LGI3: variants seen among roughly 807,000 people sequenced by gnomAD.
The protein encoded by LGI3 is leucine-rich repeat LGI family member 3.
A neutral mutation model predicts 55.4 loss-of-function variants in LGI3; 47 were observed. The observed-to-expected ratio is 0.85, with a 90% CI of 0.67 to 1.08. The LOEUF is 1.08. Ranked by LOEUF, LGI3 falls within the 50% of genes least tolerant of loss-of-function variation. The probability of loss-of-function intolerance (pLI) is 0.00; values close to 1 mark genes in which losing one functional copy is unlikely to be tolerated. For synonymous variants in LGI3, 326 were observed against 315.0 expected, an observed-to-expected ratio of 1.04 and a Z score of -0.37; for missense variants, 664 against 726.3, an observed-to-expected ratio of 0.91 and a Z score of 0.99.
intron 1 of LGI3, 104 bp downstream of exon 1, chr8:22,156,233 C>T: frequency 6.3e-6 from 8 of 1,266,184 alleles, no homozygotes; most frequent in Non-Finnish European, 8.9e-6. Context: ...CCCCCTGGTC[C>T]CCGCACTCTG....
intron 7 of LGI3, 63 bp downstream of exon 7, chr8:22,151,426 C>A: frequency 2.0e-6 from 3 of 1,509,524 alleles, no homozygotes; most frequent in Non-Finnish European, 2.7e-6. Flanking sequence ...TGGGGTTGAA[C>A]GATGGAGCCC....
chr8:22,154,264 C>T (rs553502395), intron 3 of LGI3, 51 bp from the exon 4 acceptor site: 2 of 1,446,776 alleles, frequency 1.4e-6, no homozygotes, highest in East Asian at 4.5e-5. Context: ...GCCAGACCCC[C>T]AGCAGCACTC....
chr8:22,155,471 GA>G lies in LGI3; in HGVS notation c.207-9del. ...GCGGCATTCACCAGGGTCCTGCGGG[GA>G]CACCCGAGTCAGTACTGTGGGGTCT... On this transcript the variant is annotated splice_polypyrimidine_tract_variant and intron_variant, in intron 1 of 7. Coordinates refer to ENST00000306317, the MANE Select transcript of LGI3 (RefSeq NM_139278.4). The G allele has an allele frequency of 6.2e-7, 1 of 1,613,088 alleles. No individual in the cohort carries two copies. Among genetic ancestry groups the G allele is most frequent in the South Asian group, 1.1e-5 (1 of 91,072 alleles).
At chr8:22,156,050 C>T (rs182750705) in intron 1 of LGI3, among the ~76,000 whole-genome samples, 286 of 152,342 alleles carry the variant, frequency 1.9e-3, no homozygotes, top group African/African-American at 6.4e-3. Flanking sequence ...TAAGCAACCC[C>T]CCCAAGTCTG....
chr8:22,154,173 T>C lies in LGI3; in HGVS notation c.391A>G (p.Thr131Ala), dbSNP rs778381590. 17 of 1,613,972 alleles carry C rather than the reference T, an allele frequency of 1.1e-5. No individual in the cohort carries two copies. The highest frequency in any genetic ancestry group is 1.2e-5 in the Non-Finnish European group (14 of 1,179,992). Residue 131 changes from threonine to alanine, a missense_variant, in exon 4 of 8, where the codon ACC becomes GCC. Transcript: ENST00000306317. The stretch of plus-strand genomic sequence containing the variant: ...GTCAAGGACTTGAGTCCTCGGAAGG[T>C]GAACTTGGATAGTGCCCAGATGTCA... ...NNDIWALSKF[T>A]FRGLKSLTHL... is the part of the protein sequence containing the mutation.
chr8:22,148,339 T>G lies in LGI3; in HGVS notation c.1468A>C (p.Thr490Pro). Residue 490 changes from threonine to proline, a missense_variant, in exon 8 of 8, where the codon ACC becomes CCC. Physicochemically the swap from Thr to Pro is conservative, Grantham distance 38. Transcript: ENST00000306317. The surrounding 1 kb of genome is among the most constrained non-coding windows in gnomAD (Gnocchi z 7.0). The part of the protein sequence containing the change: ...YLALGSDFSF[T>P]QIYQWDEGRQ... ...CCCTCATCCCACTGGTAGATCTGGG[T>G]GAAGGAGAAATCACTGCCCAGTGCC... is the stretch of plus-strand genomic sequence containing the variant. 1 of 1,613,406 alleles carries G rather than the reference T, an allele frequency of 6.2e-7. No homozygotes were observed. Among genetic ancestry groups the G allele is most frequent in the Non-Finnish European group, 8.5e-7 (1 of 1,179,818 alleles).
rs1050199719 is a variant in LGI3 at position 22,148,816 on chromosome 8, C to T, written c.991G>A (p.Asp331Asn). The change falls in exon 8 of 8, where the codon GAC becomes AAC. Residue 331 changes from aspartate (D) to asparagine (N), a missense_variant. Physicochemically the swap from Asp to Asn is conservative, Grantham distance 23 (BLOSUM62 1). Coordinates refer to ENST00000306317, the MANE Select transcript of LGI3 (RefSeq NM_139278.4). The surrounding 1 kb of genome is among the most constrained non-coding windows in gnomAD (Gnocchi z 7.0). ...IDPQRVRKPN[D>N]LEAFRIDGDW... Reference sequence around the variant, plus strand: ...CCGTCGATGCGGAAGGCTTCTAGGTCGTTAGGCTTGCGCACGCGCTGCGGG... The same window carrying T: ...CCGTCGATGCGGAAGGCTTCTAGGTTGTTAGGCTTGCGCACGCGCTGCGGG... 34 of 1,614,058 alleles carry T rather than the reference C, an allele frequency of 2.1e-5. No homozygotes were observed. Among genetic ancestry groups the T allele is most frequent in the Non-Finnish European group, 2.4e-5 (28 of 1,180,034 alleles).
intron 5 of LGI3, among the ~76,000 whole-genome samples, chr8:22,153,558 C>T (rs192764873): frequency 1.4e-4 from 22 of 151,856 alleles, no homozygotes; most frequent in Admixed American, 3.3e-4. Context: ...AAAAATTAGC[C>T]GGGCGTGGTG....
At chr8:22,151,759 G>A in intron 6 of LGI3, 72 bp downstream of exon 6, 2 of 1,560,876 alleles carry the variant, frequency 1.3e-6, no homozygotes, top group South Asian at 1.2e-5. Context: ...GGGGCAGGGT[G>A]GGGGGTTTCG....
chr8:22,156,711 T>G lies in LGI3; in HGVS notation c.-169A>C. On this transcript the variant is annotated 5_prime_UTR_variant, in exon 1 of 8. Coordinates refer to ENST00000306317, the MANE Select transcript of LGI3 (RefSeq NM_139278.4). Reference sequence around the variant, plus strand: ...CCCTCGGGCGCCGGCTGCGGTCCCCTCCCCTGCTCGCTCCCGCGATCCGGC... The same window carrying G: ...CCCTCGGGCGCCGGCTGCGGTCCCCGCCCCTGCTCGCTCCCGCGATCCGGC... 4.4e-6 allele frequency: 1 copy of G among 225,312 alleles called. No homozygotes were observed. Among genetic ancestry groups the G allele is most frequent in the Middle Eastern group, 1.5e-3 (1 of 676 alleles). The allele number at this position is 225,312 out of a possible 1,614,324, so 14.0% of individuals were successfully genotyped here.
At position 22,147,921 on chromosome 8, in the gene LGI3, T is replaced by G; in HGVS notation, c.*239A>C. On this transcript the variant is annotated 3_prime_UTR_variant, in exon 8 of 8. Coordinates refer to ENST00000306317, the MANE Select transcript of LGI3 (RefSeq NM_139278.4). ...GAGTAGGGGGGGCCTGCAGTTGGGG[T>G]CACGGGAACTGGGCGTTAGGTGTCC... The G allele has an allele frequency of 2.0e-6, 1 of 493,464 alleles. No individual in the cohort carries two copies. The highest frequency in any genetic ancestry group is 2.9e-5 in the South Asian group (1 of 34,650). The allele number at this position is 493,464 out of a possible 1,614,324, so 30.6% of individuals were successfully genotyped here. A position where few individuals can be genotyped will look rare whatever the true frequency, so the allele number is the denominator to read the frequency against.
At chr8:22,150,327 A>G (rs1827360902) in intron 7 of LGI3, among the ~76,000 whole-genome samples, 1 of 134,102 alleles carries the variant, frequency 7.5e-6, no homozygotes, top group Non-Finnish European at 1.6e-5. Context: ...TTTCTATTTC[A>G]TCTTGTGTCA....
At chr8:22,151,253 G>T (rs756122288) in intron 7 of LGI3, among the ~76,000 whole-genome samples, 5 of 152,126 alleles carry the variant, frequency 3.3e-5, no homozygotes, top group Non-Finnish European at 7.3e-5. Flanking sequence ...CCCAGGGTAG[G>T]CTTGTCCTTT....
Position 22,147,211 on chromosome 8 carries a change from C to G in LGI3, c.*949G>C, listed in dbSNP as rs1427715720. On this transcript the variant is annotated 3_prime_UTR_variant, in exon 8 of 8. Coordinates refer to ENST00000306317, the MANE Select transcript of LGI3 (RefSeq NM_139278.4). ...GGCCACATCCCAAAGACAGGGTGAA[C>G]CAGGGGACAGTCCAAGCCTGAGAAA... 1 of 152,398 alleles carries G rather than the reference C, an allele frequency of 6.6e-6. No homozygotes were observed. The highest frequency in any genetic ancestry group is 1.5e-5 in the Non-Finnish European group (1 of 68,198). 9.4% of individuals were successfully genotyped at this position (152,398 alleles called of 1,614,324 possible).
At chr8:22,152,341 G>A (rs948697668) in intron 5 of LGI3, among the ~76,000 whole-genome samples, 3 of 152,178 alleles carry the variant, frequency 2.0e-5, no homozygotes, top group South Asian at 2.1e-4. Context: ...AACAATAAAT[G>A]AGTGTGGCTC....
chr8:22,148,443 C>T lies in LGI3; in HGVS notation c.1364G>A (p.Arg455His), dbSNP rs115515473. The T allele has an allele frequency of 1.1e-5, 18 of 1,612,172 alleles. No homozygotes were observed. The highest frequency in any genetic ancestry group is 5.0e-5 in the Admixed American group (3 of 59,986). The change falls in exon 8 of 8, where the codon CGC (arginine) becomes CAC (histidine). Residue 455 changes from arginine (R) to histidine (H), a missense_variant. Physicochemically the swap from Arg to His is conservative, Grantham distance 29. Transcript: ENST00000306317. The surrounding 1 kb of genome is among the most constrained non-coding windows in gnomAD (Gnocchi z 7.0). ...DSKILRWEGT[R>H]FSEVQALPSR... ...GGGCAGGGCCTGCACCTCCGAGAAG[C>T]GGGTACCCTCCCAGCGCAGGATCTT... is the stretch of plus-strand genomic sequence containing the variant.
At position 22,148,475 on chromosome 8, in the gene LGI3, G is replaced by A. The variant is rs375373562; in HGVS notation, c.1332C>T (p.Gly444=). The A allele has an allele frequency of 1.4e-5, 22 of 1,612,532 alleles. No individual in the cohort carries two copies. The African/African-American group carries it at 1.6e-4, about 12-fold the overall frequency. The change falls in exon 8 of 8, where the codon GGC becomes GGT. Residue 444 remains glycine, a synonymous_variant. Coordinates refer to ENST00000306317, the MANE Select transcript of LGI3 (RefSeq NM_139278.4). The surrounding 1 kb of genome is among the most constrained non-coding windows in gnomAD (Gnocchi z 7.0). ...CCTCCCAGCGCAGGATCTTGGAGTC[G>A]CCAATGTAGCGGCTGAGGCACAGGT... ...DSYLCLSRYI[G]DSKILRWEGT... is the part of the protein sequence containing the mutation.
At position 22,154,130 on chromosome 8, in the gene LGI3, T is replaced by C; in HGVS notation, c.422+12A>G. ...GGCTTTGGTGCAGTGTGTGTATGTG[T>C]GACGTACTCACAGGTGAGTCAAGGA... On this transcript the variant is annotated intron_variant, in intron 4 of 7. Transcript: ENST00000306317. 6.2e-7 allele frequency: 1 copy of C among 1,611,106 alleles called. No individual in the cohort carries two copies. Among genetic ancestry groups the C allele is most frequent in the Non-Finnish European group, 8.5e-7 (1 of 1,177,256 alleles).
chr8:22,151,703 C>T (rs1827380693), intron 6 of LGI3, 50 bp from the exon 7 acceptor site: 3 of 1,595,978 alleles, frequency 1.9e-6, no homozygotes, highest in Non-Finnish European at 2.6e-6. Flanking sequence ...AAGGGAAGGG[C>T]TGCTTGGGTG....
Sources: gnomAD v4.1 joint callset for allele counts (sites outside exome capture counted in the v4.1 genomes callset) on GRCh38, gnomAD v4.1.1 for gene constraint, Gnocchi (gnomAD v3.1) non-coding constraint, MANE v1.5 for transcripts, NCBI Gene and HGNC (gene_info 2026-07-23, HGNC 2026-07-21) for gene names.